Variants in PTPN12 observed in about 807,000 individuals in gnomAD.
PTPN12 encodes tyrosine-protein phosphatase non-receptor type 12.
Under a neutral mutation model 97.6 loss-of-function variants are expected in PTPN12, and 29 were observed. The observed-to-expected ratio is 0.30, with a 90% CI of 0.22 to 0.41. The LOEUF (loss-of-function observed/expected upper bound fraction) is 0.41, where lower values mean the gene tolerates loss of function less well. Among genes scored for constraint, PTPN12 ranks in the 10% least tolerant of loss-of-function variants. PTPN12 has a pLI of 1.00. For missense variants in PTPN12, 819 were observed against 926.0 expected, an observed-to-expected ratio of 0.88 and a Z score of 1.50; for synonymous variants, 327 against 300.4, an observed-to-expected ratio of 1.09 and a Z score of -0.91.
At chr7:77,561,926 G>A (rs1562713143) in intron 1 of PTPN12, among the ~76,000 whole-genome samples, 2 of 151,722 alleles carry the variant, frequency 1.3e-5, no homozygotes, top group African/African-American at 4.9e-5. Flanking sequence ...CAAGTAGCTG[G>A]GACTACAAGT....
intron 2 of PTPN12, among the ~76,000 whole-genome samples, chr7:77,573,110 AAAAC>A: frequency 1.4e-5 from 2 of 145,530 alleles, no homozygotes. Context: ...AAAAACAAAA[AAAAC>A]CAGTGTACCT....
At chr7:77,564,746 G>GTTTTTTTATTTTTTT (rs1808165507) in intron 1 of PTPN12, among the ~76,000 whole-genome samples, 1 of 45,370 alleles carries the variant, frequency 2.2e-5, no homozygotes, top group African/African-American at 9.0e-5. Flanking sequence ...TTGTTGTCGT[G>GTTTTTTTATTTTTTT]TTTTTTTTTT....
At chr7:77,541,098 G>C (rs1267608485) in intron 1 of PTPN12, among the ~76,000 whole-genome samples, 2 of 152,000 alleles carry the variant, frequency 1.3e-5, no homozygotes, top group African/African-American at 4.8e-5. Context: ...TTGTTGTTTT[G>C]TTCTGTTTTT....
chr7:77,601,607 TA>T lies in PTPN12; in HGVS notation c.695+808del, dbSNP rs1005295879. Among the ~76,000 whole-genome samples, 153 of 152,176 alleles carry T rather than the reference TA, an allele frequency of 1.0e-3. 1 individual carries two copies. Among genetic ancestry groups the T allele is most frequent in the African/African-American group, 3.5e-3 (144 of 41,522 alleles). On this transcript the variant is annotated intron_variant, in intron 8 of 17. Transcript: ENST00000248594. The stretch of plus-strand genomic sequence containing the variant: ...ACACCATTATTATATATATTAACAG[TA>T]AAAAAATCACTGCCAATTATAAGGG...
intron 8 of PTPN12, among the ~76,000 whole-genome samples, chr7:77,605,262 G>A (rs1389568203): frequency 6.6e-6 from 1 of 152,058 alleles, no homozygotes; most frequent in Non-Finnish European, 1.5e-5. Context: ...GCATTAAAAT[G>A]TTACACAACT....
intron 2 of PTPN12, among the ~76,000 whole-genome samples, chr7:77,580,406 G>A (rs1361324608): frequency 6.6e-6 from 1 of 152,166 alleles, no homozygotes; most frequent in African/African-American, 2.4e-5. Flanking sequence ...ACTATAAACT[G>A]AAAAGTAATG....
chr7:77,542,885 A>C (rs973308838), intron 1 of PTPN12, among the ~76,000 whole-genome samples: 2 of 152,210 alleles, frequency 1.3e-5, no homozygotes, highest in African/African-American at 4.8e-5. Flanking sequence ...TAGGCATCAT[A>C]ATATAAGCAT....
intron 2 of PTPN12, among the ~76,000 whole-genome samples, chr7:77,577,314 C>T (rs979741344): frequency 2.0e-5 from 3 of 152,102 alleles, no homozygotes; most frequent in East Asian, 1.9e-4. Flanking sequence ...CTGTGCATAG[C>T]GATATTAACT....
intron 6 of PTPN12, among the ~76,000 whole-genome samples, chr7:77,592,543 T>C (rs1787901450): frequency 6.6e-6 from 1 of 152,206 alleles, no homozygotes; most frequent in Admixed American, 6.5e-5. Flanking sequence ...AACTGTGCTT[T>C]TAATATTTGG....
At chr7:77,608,044 G>A (rs772087673) in intron 9 of PTPN12, among the ~76,000 whole-genome samples, 77 of 152,280 alleles carry the variant, frequency 5.1e-4, no homozygotes, top group Middle Eastern at 3.4e-3. Context: ...CGTGAGCTAC[G>A]GTGCCTGGCC....
chr7:77,537,652 C>A lies in PTPN12; in HGVS notation c.99+7C>A. On this transcript the variant is annotated splice_region_variant and intron_variant, in intron 1 of 17. Transcript: ENST00000248594. The stretch of plus-strand genomic sequence containing the variant: ...CTTCGCCCGGGACTTCATGGTGAGT[C>A]TCTCCCCTCGCTGTCGCGTTTTCTT... 1 of 1,586,524 alleles carries A rather than the reference C, an allele frequency of 6.3e-7. No homozygotes were observed.
intron 13 of PTPN12, among the ~76,000 whole-genome samples, chr7:77,631,706 C>G (rs1184326878): frequency 6.6e-6 from 1 of 152,144 alleles, no homozygotes; most frequent in Non-Finnish European, 1.5e-5. Context: ...TCAGCATTCT[C>G]AAAGTACAGC....
chr7:77,586,821 CAAAAGTATATTCCATCTCAA>C (rs1787706593), intron 5 of PTPN12, among the ~76,000 whole-genome samples: 1 of 152,138 alleles, frequency 6.6e-6, no homozygotes, highest in African/African-American at 2.4e-5. Context: ...GCATCTTCAC[CAAAAGTATATTCCATCTCAA>C]GAAAGTAGAT....
At chr7:77,575,303 A>G (rs1030250242) in intron 2 of PTPN12, among the ~76,000 whole-genome samples, 4 of 151,978 alleles carry the variant, frequency 2.6e-5, no homozygotes, top group Non-Finnish European at 4.4e-5. Context: ...CAGCCTGGGC[A>G]ACATAGCAAA....
At chr7:77,638,948 G>A (rs1789703533) in intron 17 of PTPN12, 1 of 848,072 alleles carries the variant, frequency 1.2e-6, no homozygotes, top group Non-Finnish European at 1.7e-6. Context: ...TTTTGTGTTG[G>A]AAAGACTAAA....
In PTPN12 at chr7:77,537,486, T is replaced by G; in HGVS notation, c.-61T>G. The G allele has an allele frequency of 7.2e-7, 1 of 1,381,178 alleles. No individual in the cohort carries two copies. The highest frequency in any genetic ancestry group is 9.5e-7 in the Non-Finnish European group (1 of 1,055,452). 85.6% of individuals were successfully genotyped at this position (1,381,178 alleles called of 1,614,324 possible). On this transcript the variant is annotated 5_prime_UTR_variant, in exon 1 of 18. Coordinates refer to ENST00000248594, the MANE Select transcript of PTPN12 (RefSeq NM_002835.4). ...ACGAGCTGGGGAAGACGGAGCGGGC[T>G]CTGTGCCGGGCGGGCGGGCGGCGGG...
At position 77,590,806 on chromosome 7, in the gene PTPN12, C is replaced by A. The variant is rs1415640676; in HGVS notation, c.421-1379C>A. Among the ~76,000 whole-genome samples, 5 of 152,198 alleles carry A rather than the reference C, an allele frequency of 3.3e-5. No individual in the cohort carries two copies. In the East Asian group the frequency reaches 9.7e-4, roughly 29 times the overall value. On this transcript the variant is annotated intron_variant, in intron 5 of 17. Transcript: ENST00000248594. The stretch of plus-strand genomic sequence containing the variant: ...CTTGAACTCCTTGCCTTAAGTCATC[C>A]ACCCACGTTGGCCTTCCAAAGTGCT...
intron 12 of PTPN12, among the ~76,000 whole-genome samples, chr7:77,625,468 G>GCTCTCTCTCTCTCTCTCTCTCTCTCTCT (rs139289279): frequency 4.0e-5 from 1 of 24,760 alleles, no homozygotes; most frequent in Non-Finnish European, 6.4e-5. Context: ...TGCCCAGGCT[G>GCTCTCTCTCTCTCTCTCTCTCTCTCTCT]CTCGCTCTCT....
chr7:77,615,630 A>T (rs747673462), intron 11 of PTPN12, among the ~76,000 whole-genome samples: 1 of 152,194 alleles, frequency 6.6e-6, no homozygotes, highest in Non-Finnish European at 1.5e-5. Flanking sequence ...ACGTGCCTGT[A>T]GTCCTAGCTA....
Sources: gnomAD v4.1 joint callset for allele counts (sites outside exome capture counted in the v4.1 genomes callset) on GRCh38, gnomAD v4.1.1 for gene constraint, MANE v1.5 for transcripts, NCBI Gene and HGNC (gene_info 2026-07-23, HGNC 2026-07-21) for gene names.